The following TLK1 variants were observed in gnomAD, a reference collection of about 807,000 sequenced individuals.
TLK1 encodes the protein tousled like kinase 1, also known as serine/threonine-protein kinase tousled-like 1.
A neutral mutation model predicts 105.3 loss-of-function variants in TLK1; 24 were observed. That is an observed-to-expected ratio of 0.23 (90% CI 0.17 to 0.32). TLK1 has a LOEUF of 0.32. Ranked by LOEUF, TLK1 falls within the 10% of genes least tolerant of loss-of-function variation. The pLI, the probability that TLK1 is intolerant of heterozygous loss-of-function variation, is 1.00. For missense variants in TLK1, 558 were observed against 910.5 expected (o/e 0.61, Z 4.98); for synonymous variants, 321 against 310.4 (o/e 1.03, Z -0.36).
chr2:171,101,401 T>C (rs533440236), intron 2 of TLK1, among the ~76,000 whole-genome samples: 4 of 148,136 alleles, frequency 2.7e-5, no homozygotes, highest in African/African-American at 1.0e-4. Flanking sequence ...TATCACTCCA[T>C]TGATATAAAA....
At chr2:171,127,565 A>G (rs138844734) in intron 1 of TLK1, among the ~76,000 whole-genome samples, 12 of 152,164 alleles carry the variant, frequency 7.9e-5, no homozygotes, top group African/African-American at 2.9e-4. Context: ...AACCAGCCCA[A>G]TTTCTTTTTC....
In TLK1 at chr2:171,007,024, T is replaced by C; in HGVS notation, c.1456A>G (p.Ile486Val). The change falls in exon 15 of 21, where the codon ATA (isoleucine) becomes GTA (valine). Residue 486 changes from isoleucine to valine, a missense_variant. Physicochemically the swap from Ile to Val is conservative, Grantham distance 29 (BLOSUM62 3). Around this residue, in one of 5 missense-constraint regions of TLK1, gnomAD observed 218 missense variants for 492.9 expected, o/e 0.44. Coordinates refer to ENST00000431350, the MANE Select transcript of TLK1 (RefSeq NM_012290.5). The stretch of plus-strand genomic sequence containing the variant: ...CTCCAGCTTTTATTAAGCTGATGTA[T>C]CTTCACAGCAGCATATCTTTGTTCA... ...LYEQRYAAVKIHQLNKSWRDE... is the reference protein window; with the variant it reads ...LYEQRYAAVKVHQLNKSWRDE... 2 of 1,610,128 alleles carry C rather than the reference T, an allele frequency of 1.2e-6. No homozygotes were observed. The highest frequency in any genetic ancestry group is 1.7e-6 in the Non-Finnish European group (2 of 1,179,060).
intron 3 of TLK1, among the ~76,000 whole-genome samples, chr2:171,076,525 G>C (rs1249369487): frequency 6.6e-6 from 1 of 152,052 alleles, no homozygotes; most frequent in East Asian, 1.9e-4. Context: ...AATGAACTGA[G>C]ACACAAGATC....
chr2:171,194,808 C>G (rs1274451655), intron 1 of TLK1, among the ~76,000 whole-genome samples: 1 of 130,850 alleles, frequency 7.6e-6, no homozygotes, highest in Non-Finnish European at 1.5e-5. Flanking sequence ...CAGAGCGAGA[C>G]TCCGTCTCAG....
intron 1 of TLK1, among the ~76,000 whole-genome samples, chr2:171,225,290 TAAAGA>T (rs1488007445): frequency 6.6e-6 from 1 of 152,070 alleles, no homozygotes; most frequent in East Asian, 1.9e-4. Context: ...TTCAACAATG[TAAAGA>T]AAACCCAATT....
At chr2:171,211,212 T>C (rs549641514) in intron 1 of TLK1, among the ~76,000 whole-genome samples, 20 of 152,362 alleles carry the variant, frequency 1.3e-4, no homozygotes, top group Middle Eastern at 3.4e-3. Flanking sequence ...TTTACATTGC[T>C]GTAGAGCCTT....
chr2:171,024,889 C>T (rs1416496001), intron 12 of TLK1, among the ~76,000 whole-genome samples: 1 of 152,124 alleles, frequency 6.6e-6, no homozygotes, highest in Non-Finnish European at 1.5e-5. Flanking sequence ...AATGGGTGAG[C>T]AACGACTGCT....
intron 2 of TLK1, among the ~76,000 whole-genome samples, chr2:171,096,326 C>T (rs1689450324): frequency 6.6e-6 from 1 of 151,266 alleles, no homozygotes; most frequent in African/African-American, 2.4e-5. Context: ...ATAGCGAGAC[C>T]CCATCTCTAT....
At chr2:171,224,219 T>C (rs981264244) in intron 1 of TLK1, among the ~76,000 whole-genome samples, 2 of 152,238 alleles carry the variant, frequency 1.3e-5, no homozygotes. Context: ...TTCCTCAATA[T>C]ATGATCTTGG....
At chr2:171,156,993 A>G (rs775976846) in intron 1 of TLK1, among the ~76,000 whole-genome samples, 50 of 152,156 alleles carry the variant, frequency 3.3e-4, no homozygotes, top group Non-Finnish European at 5.7e-4. Flanking sequence ...TTTTGTAGAG[A>G]CAGGGTTTCA....
intron 11 of TLK1, among the ~76,000 whole-genome samples, chr2:171,040,561 CTTTTTTG>C (rs1237890140): frequency 1.6e-5 from 2 of 123,614 alleles, no homozygotes; most frequent in African/African-American, 6.0e-5. Flanking sequence ...AAATATATTC[CTTTTTTG>C]TTTTTTTTTT....
intron 18 of TLK1, among the ~76,000 whole-genome samples, chr2:170,999,043 G>A (rs1684224223): frequency 6.6e-6 from 1 of 152,180 alleles, no homozygotes; most frequent in Non-Finnish European, 1.5e-5. Context: ...TAGGATTACA[G>A]GCATGAGCCA....
chr2:171,129,431 C>G (rs2105552969), intron 1 of TLK1, among the ~76,000 whole-genome samples: 1 of 152,186 alleles, frequency 6.6e-6, no homozygotes, highest in African/African-American at 2.4e-5. Context: ...TCTTAAAGTC[C>G]CTTTACAGCA....
chr2:171,001,175 TC>T (rs1164127431), intron 18 of TLK1, among the ~76,000 whole-genome samples: 2 of 152,206 alleles, frequency 1.3e-5, no homozygotes, highest in African/African-American at 4.8e-5. Context: ...AATGATGACA[TC>T]TTCAGTGGTG....
At position 171,160,391 on chromosome 2, in the gene TLK1, G is replaced by C. The variant is rs777659007; in HGVS notation, c.38C>G (p.Pro13Arg). Reference protein sequence around the residue: ...VQSSSGSLEGPPSWSQLSTSP... With the variant: ...VQSSSGSLEGRPSWSQLSTSP... ...CGTGGAGAGCTGGGACCAAGATGGC[G>C]GCCCCTCCAAACTTCCACTGCTACT... is the stretch of plus-strand genomic sequence containing the variant. The change falls in exon 1 of 21, where the codon CCG becomes CGG. Residue 13 changes from proline to arginine, a missense_variant. Pro to Arg is a moderately radical substitution (Grantham distance 103). Coordinates refer to ENST00000431350, the MANE Select transcript of TLK1 (RefSeq NM_012290.5). The surrounding 1 kb of genome is among the most constrained non-coding windows in gnomAD (Gnocchi z 4.4). 2.5e-6 allele frequency: 4 copies of C among 1,603,896 alleles called. No individual in the cohort carries two copies. Among genetic ancestry groups the C allele is most frequent in the Admixed American group, 1.7e-5 (1 of 58,728 alleles).
At chr2:171,023,278 T>C in intron 12 of TLK1, 1 of 445,334 alleles carries the variant, frequency 2.2e-6, no homozygotes, top group South Asian at 1.6e-5. Flanking sequence ...GCTGATTCCT[T>C]CGGTCTGCAA....
chr2:171,002,197 T>C (rs1157660299), intron 18 of TLK1, among the ~76,000 whole-genome samples: 1 of 152,214 alleles, frequency 6.6e-6, no homozygotes, highest in East Asian at 1.9e-4. Context: ...TTTACTGGCA[T>C]GAAATTCTCC....
chr2:171,026,343 A>C (rs1317016207), intron 12 of TLK1, among the ~76,000 whole-genome samples: 1 of 152,166 alleles, frequency 6.6e-6, no homozygotes, highest in Non-Finnish European at 1.5e-5. Context: ...CACAGAAACC[A>C]GTATTTTCAA....
chr2:171,011,535 T>A, intron 13 of TLK1, 81 bp from the exon 14 acceptor site: 1 of 1,127,122 alleles, frequency 8.9e-7, no homozygotes, highest in Non-Finnish European at 1.3e-6. Context: ...ACTCTCTTAT[T>A]CTATTCCTAG....
Sources: gnomAD v4.1 joint callset for allele counts (sites outside exome capture counted in the v4.1 genomes callset) on GRCh38, gnomAD v4.1.1 for gene constraint, gnomAD v4.1.1 regional missense constraint, Gnocchi (gnomAD v3.1) non-coding constraint, MANE v1.5 for transcripts, NCBI Gene and HGNC (gene_info 2026-07-23, HGNC 2026-07-21) for gene names.